THUMPD3: variants seen among roughly 807,000 people sequenced by gnomAD.
The protein encoded by THUMPD3 is THUMP domain 3 tRNA guanosine methyltransferase.
Under a neutral mutation model 54.5 loss-of-function variants are expected in THUMPD3, and 44 were observed. That is an observed-to-expected ratio of 0.81 (90% CI 0.63 to 1.04). THUMPD3 has a LOEUF of 1.04. Ranked by LOEUF, THUMPD3 falls within the 50% of genes least tolerant of loss-of-function variation. The probability of loss-of-function intolerance (pLI) is 0.00; values close to 1 mark genes in which losing one functional copy is unlikely to be tolerated. For synonymous variants in THUMPD3, 196 were observed against 201.4 expected, an observed-to-expected ratio of 0.97 and a Z score of 0.23; for missense variants, 604 against 601.3, an observed-to-expected ratio of 1.00 and a Z score of -0.05.
Position 9,385,965 on chromosome 3 carries a change from A to G in THUMPD3, c.*1277A>G, listed in dbSNP as rs920188098. The G allele has an allele frequency of 2.6e-5, 4 of 152,246 alleles. No individual in the cohort carries two copies. Among genetic ancestry groups the G allele is most frequent in the Non-Finnish European group, 5.9e-5 (4 of 68,044 alleles). 9.4% of individuals were successfully genotyped at this position (152,246 alleles called of 1,614,324 possible). A position where few individuals can be genotyped will look rare whatever the true frequency, so the allele number is the denominator to read the frequency against. On this transcript the variant is annotated 3_prime_UTR_variant, in exon 10 of 10. Coordinates refer to ENST00000452837, the MANE Select transcript of THUMPD3 (RefSeq NM_001114092.2). ...TTGAGGTTTTTTTGTGGAACTCATC[A>G]TAGTATTGTTTATTTTGGAGCCTCT... is the stretch of plus-strand genomic sequence containing the variant.
intron 7 of THUMPD3, among the ~76,000 whole-genome samples, chr3:9,382,277 C>T (rs1222718814): frequency 6.6e-6 from 1 of 151,908 alleles, no homozygotes; most frequent in Non-Finnish European, 1.5e-5. Context: ...CTGCTGATAA[C>T]CTTTGACTTA....
intron 1 of THUMPD3, among the ~76,000 whole-genome samples, chr3:9,364,388 C>T (rs997372946): frequency 6.6e-6 from 1 of 151,292 alleles, no homozygotes; most frequent in African/African-American, 2.4e-5. Context: ...GTTCTGTTAC[C>T]CCAGCCGGAG....
At chr3:9,367,324 G>C (rs1184629686) in intron 3 of THUMPD3, among the ~76,000 whole-genome samples, 1 of 152,208 alleles carries the variant, frequency 6.6e-6, no homozygotes, top group African/African-American at 2.4e-5. Flanking sequence ...GTGACAGTTT[G>C]TGTCTTCTAC....
chr3:9,365,448 G>GT, intron 2 of THUMPD3, 128 bp downstream of exon 2: 1 of 1,176,178 alleles, frequency 8.5e-7, no homozygotes, highest in Non-Finnish European at 1.2e-6. Context: ...TGATTTTAAA[G>GT]TTACTGCATT....
At chr3:9,378,157 C>T (rs1040720370) in intron 6 of THUMPD3, among the ~76,000 whole-genome samples, 1 of 152,198 alleles carries the variant, frequency 6.6e-6, no homozygotes, top group Non-Finnish European at 1.5e-5. Context: ...CCGATGAGTC[C>T]TCTTTGTGTA....
chr3:9,384,532 TG>T lies in THUMPD3; in HGVS notation c.1370del (p.Gly457GlufsTer14). On this transcript the variant is annotated frameshift_variant, in exon 10 of 10. Coordinates refer to ENST00000452837, the MANE Select transcript of THUMPD3 (RefSeq NM_001114092.2). LOFTEE classifies it high-confidence loss of function. ...DTKCFTKALS[G>X]MRHVWRKVDT... is the part of the protein sequence containing the mutation. ...TTTTTGTGTGTACACAGGCGTTATC[TG>T]GAATGCGACACGTATGGCGAAAGGT... 6.2e-7 allele frequency: 1 copy of T among 1,614,234 alleles called. No individual in the cohort carries two copies. The highest frequency in any genetic ancestry group is 8.5e-7 in the Non-Finnish European group (1 of 1,180,042).
Position 9,384,729 on chromosome 3 carries a change from T to A in THUMPD3, c.*41T>A. ...CTTGTACTTCCCACCACTGGAAATGTTAGCATAAAAGAACTTGGAGAGGAA... is the reference window on the plus strand; with the variant it reads ...CTTGTACTTCCCACCACTGGAAATGATAGCATAAAAGAACTTGGAGAGGAA... On this transcript the variant is annotated 3_prime_UTR_variant, in exon 10 of 10. Coordinates refer to ENST00000452837, the MANE Select transcript of THUMPD3 (RefSeq NM_001114092.2). The A allele has an allele frequency of 2.5e-6, 4 of 1,608,902 alleles. No individual in the cohort carries two copies. The highest frequency in any genetic ancestry group is 3.4e-6 in the Non-Finnish European group (4 of 1,176,424).
chr3:9,375,290 G>A (rs2125322617), intron 5 of THUMPD3, among the ~76,000 whole-genome samples: 1 of 152,320 alleles, frequency 6.6e-6, no homozygotes, highest in South Asian at 2.1e-4. Flanking sequence ...CAGTGAAAAA[G>A]ATGAAAGCAG....
chr3:9,371,362 G>C lies in THUMPD3; in HGVS notation c.633G>C (p.Glu211Asp), dbSNP rs766816959. ...ATGATTTGGCATCTTGCAAAGATGA[G>C]ACTGATGAAAGCTCAAAAGAAGAAA... ...IGDDLASCKDETDESSKEETE... is the reference protein window; with the variant it reads ...IGDDLASCKDDTDESSKEETE... The change falls in exon 4 of 10, where the codon GAG becomes GAC. Residue 211 changes from glutamate to aspartate, a missense_variant. Glu to Asp is a conservative substitution (Grantham distance 45, BLOSUM62 2). Transcript: ENST00000452837. 5.0e-6 allele frequency: 8 copies of C among 1,614,052 alleles called. No individual in the cohort carries two copies. Among genetic ancestry groups the C allele is most frequent in the African/African-American group, 1.3e-5 (1 of 74,936 alleles).
intron 1 of THUMPD3, 78 bp from the exon 2 acceptor site, chr3:9,364,938 C>A: frequency 1.6e-6 from 2 of 1,241,212 alleles, no homozygotes; most frequent in Non-Finnish European, 2.2e-6. Context: ...TTCTTCCTGC[C>A]CTCCAGAGCC....
chr3:9,366,885 G>A (rs755043125), intron 2 of THUMPD3, 23 bp from the exon 3 acceptor site: 8 of 1,591,572 alleles, frequency 5.0e-6, no homozygotes, highest in Admixed American at 1.8e-5. Flanking sequence ...TCTCAGAAAT[G>A]TGTTTCTTTT....
At chr3:9,366,677 A>C (rs993144161) in intron 2 of THUMPD3, among the ~76,000 whole-genome samples, 1 of 152,220 alleles carries the variant, frequency 6.6e-6, no homozygotes, top group Non-Finnish European at 1.5e-5. Flanking sequence ...GTTGCCCACA[A>C]AACACTTCAT....
chr3:9,372,989 G>A (rs1391945828), intron 4 of THUMPD3, among the ~76,000 whole-genome samples: 2 of 152,242 alleles, frequency 1.3e-5, no homozygotes, highest in East Asian at 3.9e-4. Flanking sequence ...GCTCACACCT[G>A]TAATTCCAGT....
chr3:9,371,175 TA>T lies in THUMPD3; in HGVS notation c.449del (p.Asn150IlefsTer31). On this transcript the variant is annotated frameshift_variant, in exon 4 of 10. Coordinates refer to ENST00000452837, the MANE Select transcript of THUMPD3 (RefSeq NM_001114092.2). LOFTEE classifies it high-confidence loss of function. ...FKKKKAKRKK[I>X]NQNSSKEKIN... ...AAGAAAAAAGCAAAGCGCAAAAAGA[TA>T]AATCAGAATTCAAGTAAAGAGAAGA... 1 of 1,612,008 alleles carries T rather than the reference TA, an allele frequency of 6.2e-7. No individual in the cohort carries two copies. Among genetic ancestry groups the T allele is most frequent in the East Asian group, 2.2e-5 (1 of 44,856 alleles).
intron 5 of THUMPD3, among the ~76,000 whole-genome samples, chr3:9,375,556 G>C (rs1425218975): frequency 6.6e-6 from 1 of 152,182 alleles, no homozygotes; most frequent in Admixed American, 6.5e-5. Flanking sequence ...AGGATTATTA[G>C]TGAGGATTAA....
intron 5 of THUMPD3, 82 bp from the exon 6 acceptor site, chr3:9,377,737 A>C (rs2032574367): frequency 1.8e-6 from 2 of 1,126,146 alleles, no homozygotes; most frequent in Admixed American, 3.8e-5. Flanking sequence ...GTAGGTCCTC[A>C]ATCTTAAAGC....
At position 9,371,115 on chromosome 3, in the gene THUMPD3, C is replaced by A; in HGVS notation, c.386C>A (p.Pro129His). 1 of 1,606,586 alleles carries A rather than the reference C, an allele frequency of 6.2e-7. No individual in the cohort carries two copies. The highest frequency in any genetic ancestry group is 1.1e-5 in the South Asian group (1 of 88,672). ...GCTGGAAAACTCCCATGGTCAAACC[C>A]CTTAAAAGTGTGGAAAATTAATGCC... ...DLAGKLPWSN[P>H]LKVWKINASF... Residue 129 changes from proline to histidine, a missense_variant, in exon 4 of 10, where the codon CCC becomes CAC. By Grantham distance (77) the Pro-to-His change is moderately conservative. Coordinates refer to ENST00000452837, the MANE Select transcript of THUMPD3 (RefSeq NM_001114092.2).
chr3:9,368,777 G>A (rs1200662028), intron 3 of THUMPD3, among the ~76,000 whole-genome samples: 1 of 152,198 alleles, frequency 6.6e-6, no homozygotes, highest in African/African-American at 2.4e-5. Flanking sequence ...AGAGTGAAAA[G>A]TAAGTCTTTG....
Position 9,380,593 on chromosome 3 carries a change from T to G in THUMPD3, c.1099T>G (p.Leu367Val). ...NRAANNIASL[L>V]TKSQIKEGKP... Reference sequence around the variant, plus strand: ...AGCAGCAAATAACATTGCATCTTTATTGACCAAGAGCCAAATTAAAGAAGG... The same window carrying G: ...AGCAGCAAATAACATTGCATCTTTAGTGACCAAGAGCCAAATTAAAGAAGG... The change falls in exon 7 of 10, where the codon TTG (leucine) becomes GTG (valine). Residue 367 changes from leucine to valine, a missense_variant. Leu to Val is a conservative substitution (Grantham distance 32). Coordinates refer to ENST00000452837, the MANE Select transcript of THUMPD3 (RefSeq NM_001114092.2). 6.2e-7 allele frequency: 1 copy of G among 1,613,140 alleles called. No individual in the cohort carries two copies. Among genetic ancestry groups the G allele is most frequent in the East Asian group, 2.2e-5 (1 of 44,842 alleles).
Sources: allele counts gnomAD v4.1 joint callset (sites outside exome capture counted in the v4.1 genomes callset), GRCh38; gene constraint gnomAD v4.1.1; transcripts MANE v1.5; gene names NCBI Gene and HGNC (gene_info 2026-07-23, HGNC 2026-07-21).